The following BCL2L13 variants were observed in gnomAD, a reference collection of about 807,000 sequenced individuals.
The protein encoded by BCL2L13 is BCL2 like 13.
BCL2L13 carries 13 observed loss-of-function variants against 25.8 expected under a neutral mutation model. The ratio of observed to expected loss-of-function variants is 0.50; its 90% CI spans 0.33 to 0.80. The LOEUF is 0.80. Among genes scored for constraint, BCL2L13 ranks in the 30% least tolerant of loss-of-function variants. The pLI is 0.02. For missense variants in BCL2L13, 504 were observed against 574.9 expected (o/e 0.88, Z 1.26); for synonymous variants, 244 against 230.3 (o/e 1.06, Z -0.54).
At chr22:17,637,825 T>C (rs2058138912), upstream of BCL2L13, among the ~76,000 whole-genome samples, 1 of 152,180 alleles carries the variant, frequency 6.6e-6, no homozygotes, top group Non-Finnish European at 1.5e-5. Context: ...CTTTTATCAC[T>C]TCCTTTAGAA....
intron 6 of BCL2L13, among the ~76,000 whole-genome samples, chr22:17,711,636 C>T (rs554355703): frequency 6.6e-6 from 1 of 152,256 alleles, no homozygotes; most frequent in South Asian, 2.1e-4. Flanking sequence ...ACTTACTTGG[C>T]TTAGAGCCCT....
upstream of BCL2L13, chr22:17,638,506 C>T (rs2058150992): frequency 7.0e-6 from 3 of 427,328 alleles, no homozygotes; most frequent in African/African-American, 6.1e-5. Flanking sequence ...TGCCCTTCCT[C>T]CAACACAGCG....
At chr22:17,684,894 G>A (rs1431941780) in intron 3 of BCL2L13, among the ~76,000 whole-genome samples, 2 of 151,878 alleles carry the variant, frequency 1.3e-5, no homozygotes, top group Admixed American at 1.3e-4. Context: ...CACCACACCC[G>A]ACTAATTTTT....
At chr22:17,664,564 A>G (rs961654178) in intron 2 of BCL2L13, among the ~76,000 whole-genome samples, 1 of 151,766 alleles carries the variant, frequency 6.6e-6, no homozygotes, top group Non-Finnish European at 1.5e-5. Flanking sequence ...CTCAGTGGGG[A>G]CTCTGTGTGT....
At chr22:17,662,637 C>T (rs1046788022) in intron 2 of BCL2L13, among the ~76,000 whole-genome samples, 8 of 151,774 alleles carry the variant, frequency 5.3e-5, no homozygotes, top group African/African-American at 1.5e-4. Context: ...GCCTACATGG[C>T]GAAACCCCGC....
chr22:17,717,439 C>T (rs560411720), intron 6 of BCL2L13, among the ~76,000 whole-genome samples: 26 of 151,138 alleles, frequency 1.7e-4, no homozygotes, highest in African/African-American at 6.4e-4. Flanking sequence ...CCCAGAGTAC[C>T]CTGTTTGTCT....
At chr22:17,644,586 T>C (rs1290499554) in intron 1 of BCL2L13, among the ~76,000 whole-genome samples, 1 of 151,312 alleles carries the variant, frequency 6.6e-6, no homozygotes, top group Admixed American at 6.6e-5. Flanking sequence ...TGCCTTGGCC[T>C]TCCAAAGTGC....
At chr22:17,667,274 C>T (rs1021083462) in intron 2 of BCL2L13, among the ~76,000 whole-genome samples, 4 of 152,010 alleles carry the variant, frequency 2.6e-5, no homozygotes, top group African/African-American at 7.2e-5. Context: ...TGGGTTCAAG[C>T]GATTCTCCTG....
chr22:17,671,589 C>CTTTA (rs576781637), intron 2 of BCL2L13, among the ~76,000 whole-genome samples: 1 of 151,260 alleles, frequency 6.6e-6, no homozygotes, highest in Non-Finnish European at 1.5e-5. Context: ...AATCTTGCTC[C>CTTTA]TTTATTTATT....
chr22:17,631,694 ATATATATATATATTTTTTTT>A (rs2058028332), intron 1 of BCL2L13, among the ~76,000 whole-genome samples: 1 of 38,528 alleles, frequency 2.6e-5, no homozygotes, highest in Non-Finnish European at 5.2e-5. Flanking sequence ...ATATATATAT[ATATATATATATATTTTTTTT>A]TTTTTTTTTT....
chr22:17,704,876 C>G (rs1002082566), intron 6 of BCL2L13, among the ~76,000 whole-genome samples: 1 of 151,700 alleles, frequency 6.6e-6, no homozygotes, highest in Admixed American at 6.6e-5. Flanking sequence ...TATAAATACA[C>G]TGTGAGTTAC....
chr22:17,669,375 G>A lies in BCL2L13; in HGVS notation c.121+13543G>A, dbSNP rs575660716. On this transcript the variant is annotated intron_variant, in intron 2 of 6. Transcript: ENST00000317582. Reference sequence around the variant, plus strand: ...GCTGTTTAAGAAGCATGGCACTGGCGTCTGCATCTGGTGAGGGCCTCAAAC... The same window carrying A: ...GCTGTTTAAGAAGCATGGCACTGGCATCTGCATCTGGTGAGGGCCTCAAAC... Among the ~76,000 whole-genome samples, 6 of 152,286 alleles carry A rather than the reference G, an allele frequency of 3.9e-5. 1 individual carries two copies. Among genetic ancestry groups the A allele is most frequent in the South Asian group, 4.1e-4 (2 of 4,822 alleles).
At chr22:17,708,802 A>C (rs1465960988) in intron 6 of BCL2L13, among the ~76,000 whole-genome samples, 1 of 152,192 alleles carries the variant, frequency 6.6e-6, no homozygotes, top group Non-Finnish European at 1.5e-5. Context: ...TTGTATTAAA[A>C]ACTATTTAGA....
At chr22:17,631,666 GTGTGTATA>G (rs1300032151) in intron 1 of BCL2L13, among the ~76,000 whole-genome samples, 18 of 21,410 alleles carry the variant, frequency 8.4e-4, no homozygotes, top group African/African-American at 3.0e-3. Flanking sequence ...GTATGTGTGT[GTGTGTATA>G]TATATATATA....
In BCL2L13 at chr22:17,727,352, T is replaced by C. The variant is rs1334133394; in HGVS notation, c.1276T>C (p.Ser426Pro). Residue 426 changes from serine (S) to proline (P), a missense_variant, in exon 7 of 7, where the codon TCC (serine) becomes CCC (proline). Physicochemically the swap from Ser to Pro is moderately conservative, Grantham distance 74. Coordinates refer to ENST00000317582, the MANE Select transcript of BCL2L13 (RefSeq NM_015367.4). ...GGAAGAGAGCCTTGTGGAAGAGCTGTCCCCTGCCAGCGAGAAGAAGCCCGT... is the reference window on the plus strand; with the variant it reads ...GGAAGAGAGCCTTGTGGAAGAGCTGCCCCCTGCCAGCGAGAAGAAGCCCGT... ...AREESLVEEL[S>P]PASEKKPVPP... 3.7e-6 allele frequency: 6 copies of C among 1,614,078 alleles called. No individual in the cohort carries two copies. The Admixed American group carries it at 8.3e-5, about 22-fold the overall frequency.
At chr22:17,634,945 A>G (rs2058080675), upstream of BCL2L13, among the ~76,000 whole-genome samples, 1 of 148,530 alleles carries the variant, frequency 6.7e-6, no homozygotes, top group African/African-American at 2.5e-5. Context: ...GGAAGTGGAG[A>G]CTCTGTCTCA....
chr22:17,706,566 A>T lies in BCL2L13; in HGVS notation c.600+4180A>T, dbSNP rs963857041. 4.2e-6 allele frequency: 3 copies of T among 707,722 alleles called. No homozygotes were observed. The East Asian group carries it at 2.4e-4, about 57-fold the overall frequency. 43.8% of individuals were successfully genotyped at this position (707,722 alleles called of 1,614,324 possible). ...TTTGTGAAAATGTCACACTTTTACA[A>T]ATGCCAGGTTTTCACATGCGTCTCT... On this transcript the variant is annotated intron_variant, in intron 6 of 6. Transcript: ENST00000317582.
chr22:17,730,607 G>C lies in BCL2L13; in HGVS notation c.*3073G>C, dbSNP rs1294917537. The C allele has an allele frequency of 6.6e-6, 1 of 152,066 alleles. No homozygotes were observed. The allele number at this position is 152,066 out of a possible 1,614,324, so 9.4% of individuals were successfully genotyped here. A position where few individuals can be genotyped will look rare whatever the true frequency, so the allele number is the denominator to read the frequency against. On this transcript the variant is annotated 3_prime_UTR_variant, in exon 7 of 7. Coordinates refer to ENST00000317582, the MANE Select transcript of BCL2L13 (RefSeq NM_015367.4). Reference sequence around the variant, plus strand: ...AAGAGATGTTTTATAGAAATAAAACGTTTTGTAGCTAAGAATTTTCCCTTT... The same window carrying C: ...AAGAGATGTTTTATAGAAATAAAACCTTTTGTAGCTAAGAATTTTCCCTTT...
At chr22:17,685,747 A>ATTTTTTCTTTTTCTT (rs2059908511) in intron 3 of BCL2L13, among the ~76,000 whole-genome samples, 1 of 72,234 alleles carries the variant, frequency 1.4e-5, no homozygotes, top group Admixed American at 1.6e-4. Context: ...TTGCCCAATA[A>ATTTTTTCTTTTTCTT]TTTTTTCTTT....
Sources: allele counts gnomAD v4.1 joint callset (sites outside exome capture counted in the v4.1 genomes callset), GRCh38; gene constraint gnomAD v4.1.1; transcripts MANE v1.5; gene names NCBI Gene and HGNC (gene_info 2026-07-23, HGNC 2026-07-21).